Variants in SCRT1 observed in about 807,000 individuals in gnomAD.
The protein encoded by SCRT1 is transcriptional repressor scratch 1.
A neutral mutation model predicts 3.4 loss-of-function variants in SCRT1; 1 was observed. That is an observed-to-expected ratio of 0.29 (90% CI 0.10 to 1.39). The LOEUF (loss-of-function observed/expected upper bound fraction) is 1.39. SCRT1 is among the 40% of genes most tolerant of loss of function. The probability of loss-of-function intolerance (pLI) is 0.42; values close to 1 mark genes in which losing one functional copy is unlikely to be tolerated. For synonymous variants in SCRT1, 238 were observed against 247.0 expected (o/e 0.96, Z 0.34); for missense variants, 380 against 526.3 (o/e 0.72, Z 2.72).
In SCRT1 at chr8:144,335,089, G is replaced by A. The variant is rs1554850180; in HGVS notation, c.115+966C>T. Among the ~76,000 whole-genome samples the A allele has an allele frequency of 6.6e-6, 1 of 152,196 alleles. No homozygotes were observed. Among genetic ancestry groups the A allele is most frequent in the African/African-American group, 2.4e-5 (1 of 41,428 alleles). On this transcript the variant is annotated intron_variant, in intron 1 of 1. Transcript: ENST00000569446. This position sits in a 1 kb window ranked among gnomAD's most constrained non-coding sequence, Gnocchi z 7.7. Reference sequence around the variant, plus strand: ...TCTGCCTCCTTCAGGGCTACACCCAGTCTCCCAGCATGATCAGCCCTTGTG... The same window carrying A: ...TCTGCCTCCTTCAGGGCTACACCCAATCTCCCAGCATGATCAGCCCTTGTG...
In SCRT1 at chr8:144,332,433, G is replaced by C. The variant is rs1817788467; in HGVS notation, c.*752C>G. ...TGGGGGCCCGGGGCAGGGCGGAAGC[G>C]GGGTCTGAGGAGGTCGGATAAGTCC... On this transcript the variant is annotated 3_prime_UTR_variant, in exon 2 of 2. Transcript: ENST00000569446. 6.6e-6 allele frequency: 1 copy of C among 152,260 alleles called. No homozygotes were observed. The highest frequency in any genetic ancestry group is 2.4e-5 in the African/African-American group (1 of 41,326). The allele number at this position is 152,260 out of a possible 1,614,324, so 9.4% of individuals were successfully genotyped here.
chr8:144,332,354 C>G lies in SCRT1; in HGVS notation c.*831G>C, dbSNP rs1554849658. ...GAGGGCAGCGCCCAGGCCTGCCTGCCGGCCCCGGGAATCCGTCCTCCAACA... is the reference window on the plus strand; with the variant it reads ...GAGGGCAGCGCCCAGGCCTGCCTGCGGGCCCCGGGAATCCGTCCTCCAACA... On this transcript the variant is annotated 3_prime_UTR_variant, in exon 2 of 2. Coordinates refer to ENST00000569446, the MANE Select transcript of SCRT1 (RefSeq NM_031309.6). 1 of 140,464 alleles carries G rather than the reference C, an allele frequency of 7.1e-6. No homozygotes were observed. Among genetic ancestry groups the G allele is most frequent in the Non-Finnish European group, 1.5e-5 (1 of 66,280 alleles). The allele number at this position is 140,464 out of a possible 1,614,324, so 8.7% of individuals were successfully genotyped here. A position where few individuals can be genotyped will look rare whatever the true frequency, so the allele number is the denominator to read the frequency against.
At position 144,332,283 on chromosome 8, in the gene SCRT1, A is replaced by G. The variant is rs925081699; in HGVS notation, c.*902T>C. 2.0e-5 allele frequency: 3 copies of G among 150,566 alleles called. No homozygotes were observed. The allele number at this position is 150,566 out of a possible 1,614,324, so 9.3% of individuals were successfully genotyped here. ...GAAAAAGAAACCCGACGCGTCCGCA[A>G]CCCCCCCAGGGGGCTTTACCCGCAA... On this transcript the variant is annotated 3_prime_UTR_variant, in exon 2 of 2. Coordinates refer to ENST00000569446, the MANE Select transcript of SCRT1 (RefSeq NM_031309.6).
rs1490198986 is a variant in SCRT1 at position 144,335,966 on chromosome 8, G to A, written c.115+89C>T. ...CTGGTTCCCTTCAGTCTGTTTCCCCGGGCCCTGCCCTCCGCCCCCACACTC... is the reference window on the plus strand; with the variant it reads ...CTGGTTCCCTTCAGTCTGTTTCCCCAGGCCCTGCCCTCCGCCCCCACACTC... On this transcript the variant is annotated intron_variant, in intron 1 of 1. Coordinates refer to ENST00000569446, the MANE Select transcript of SCRT1 (RefSeq NM_031309.6). The surrounding 1 kb of genome is among the most constrained non-coding windows in gnomAD (Gnocchi z 7.7). 5 of 873,624 alleles carry A rather than the reference G, an allele frequency of 5.7e-6. No homozygotes were observed. In the Admixed American group the frequency reaches 1.3e-4, roughly 23 times the overall value. The allele number at this position is 873,624 out of a possible 1,614,324, so 54.1% of individuals were successfully genotyped here. A position where few individuals can be genotyped will look rare whatever the true frequency, so the allele number is the denominator to read the frequency against.
At position 144,332,719 on chromosome 8, in the gene SCRT1, CGGCCTGCTGCCGG is replaced by C. The variant is rs1554849725; in HGVS notation, c.*453_*465del. The C allele has an allele frequency of 6.5e-6, 1 of 154,170 alleles. No homozygotes were observed. The highest frequency in any genetic ancestry group is 1.4e-5 in the Non-Finnish European group (1 of 69,322). The allele number at this position is 154,170 out of a possible 1,614,324, so 9.6% of individuals were successfully genotyped here. On this transcript the variant is annotated 3_prime_UTR_variant, in exon 2 of 2. Transcript: ENST00000569446. Reference sequence around the variant, plus strand: ...AGGCCCGCCCGCTCCTGCTCCGCCCCGGCCTGCTGCCGGGGAGGGGCCGGCTCCCTGGACGTCT... The same window carrying C: ...AGGCCCGCCCGCTCCTGCTCCGCCCCGGAGGGGCCGGCTCCCTGGACGTCT...
At position 144,333,687 on chromosome 8, in the gene SCRT1, G is replaced by A. The variant is rs1432458414; in HGVS notation, c.545C>T (p.Pro182Leu). ...CCGGCCGCCAGCACCTGCGGCCCCT[G>A]GCCCCGCGCGCGCCTCGGTGCCTGC... is the stretch of plus-strand genomic sequence containing the variant. ...AGAGTEARAGPGAAGAGGRHA... is the reference protein window; with the variant it reads ...AGAGTEARAGLGAAGAGGRHA... The change falls in exon 2 of 2, where the codon CCA (proline) becomes CTA (leucine). Residue 182 changes from proline (P) to leucine (L), a missense_variant. Coordinates refer to ENST00000569446, the MANE Select transcript of SCRT1 (RefSeq NM_031309.6). 4.9e-6 allele frequency: 7 copies of A among 1,428,972 alleles called. No homozygotes were observed. The highest frequency in any genetic ancestry group is 6.4e-6 in the Non-Finnish European group (7 of 1,099,676). 88.5% of individuals were successfully genotyped at this position (1,428,972 alleles called of 1,614,324 possible). A position where few individuals can be genotyped will look rare whatever the true frequency, so the allele number is the denominator to read the frequency against.
chr8:144,334,575 GC>G (rs1554850156), intron 1 of SCRT1, among the ~76,000 whole-genome samples: 1 of 151,130 alleles, frequency 6.6e-6, no homozygotes, highest in Admixed American at 6.6e-5. Flanking sequence ...AGGACTGCCG[GC>G]CCAGGGACCC....
At position 144,334,054 on chromosome 8, in the gene SCRT1, G is replaced by T. The variant is rs1401551919; in HGVS notation, c.178C>A (p.Leu60Ile). 24 of 1,533,812 alleles carry T rather than the reference G, an allele frequency of 1.6e-5. No individual in the cohort carries two copies. The highest frequency in any genetic ancestry group is 2.0e-5 in the Non-Finnish European group (23 of 1,143,640). ...ATGGGCTCCGGCGACGGCCCTTTGA[G>T]CAGCGCAGCCTCGGCGTCGCCATCG... is the stretch of plus-strand genomic sequence containing the variant. ...VYDGDAEAAL[L>I]KGPSPEPMYA... The change falls in exon 2 of 2, where the codon CTC (leucine) becomes ATC (isoleucine). Residue 60 changes from leucine to isoleucine, a missense_variant. Leu to Ile is a conservative substitution (Grantham distance 5). Transcript: ENST00000569446.
At position 144,333,771 on chromosome 8, in the gene SCRT1, C is replaced by A; in HGVS notation, c.461G>T (p.Gly154Val). 1 of 1,192,584 alleles carries A rather than the reference C, an allele frequency of 8.4e-7. No homozygotes were observed. Among genetic ancestry groups the A allele is most frequent in the South Asian group, 4.2e-5 (1 of 24,056 alleles). The allele number at this position is 1,192,584 out of a possible 1,614,324, so 73.9% of individuals were successfully genotyped here. Residue 154 changes from glycine to valine, a missense_variant, in exon 2 of 2, where the codon GGG (glycine) becomes GTG (valine). This residue lies in a region of SCRT1 where 115 missense variants were observed against 107.3 expected (regional missense o/e 1.07). Transcript: ENST00000569446. ...GGATCCCAAGCTGCGCCCGCCCGCCCCGCCCCCGCCTCCGGCGTCGCCGTC... is the reference window on the plus strand; with the variant it reads ...GGATCCCAAGCTGCGCCCGCCCGCCACGCCCCCGCCTCCGGCGTCGCCGTC... ...APDGDAGGGG[G>V]AGGRSLGSGP...
chr8:144,335,162 C>A lies in SCRT1; in HGVS notation c.115+893G>T, dbSNP rs1425518435. Among the ~76,000 whole-genome samples, 2 of 152,238 alleles carry A rather than the reference C, an allele frequency of 1.3e-5. No homozygotes were observed. Among genetic ancestry groups the A allele is most frequent in the Non-Finnish European group, 2.9e-5 (2 of 68,038 alleles). ...CACTGATGTGCCGAACTCACCACCT[C>A]CTCACTCACGCAGGGTCACACATGC... is the stretch of plus-strand genomic sequence containing the variant. On this transcript the variant is annotated intron_variant, in intron 1 of 1. Coordinates refer to ENST00000569446, the MANE Select transcript of SCRT1 (RefSeq NM_031309.6). The surrounding 1 kb of genome is among the most constrained non-coding windows in gnomAD (Gnocchi z 7.7).
rs369086206 is a variant in SCRT1 at position 144,336,098 on chromosome 8, G to A, written c.72C>T (p.Tyr24=). ...CGCCGAGGTCGCTGCGGGCGCGTCC[G>A]TAGGCGCTCTCCAGGTCGGCCGAAG... The part of the protein sequence containing the change: ...AFSSADLESA[Y]GRARSDLGAP... Residue 24 remains tyrosine (Y), a synonymous_variant, in exon 1 of 2, where the codon TAC becomes TAT. Transcript: ENST00000569446. The surrounding 1 kb of genome is among the most constrained non-coding windows in gnomAD (Gnocchi z 6.8). 1.2e-6 allele frequency: 2 copies of A among 1,609,878 alleles called. No homozygotes were observed. The highest frequency in any genetic ancestry group is 2.2e-5 in the East Asian group (1 of 44,664).
Position 144,333,727 on chromosome 8 carries a change from C to A in SCRT1, c.505G>T (p.Gly169Cys). The change falls in exon 2 of 2, where the codon GGC (glycine) becomes TGC (cysteine). Residue 169 changes from glycine (G) to cysteine (C), a missense_variant. Coordinates refer to ENST00000569446, the MANE Select transcript of SCRT1 (RefSeq NM_031309.6). ...TCGGTGCCTGCCCCCGCGCGCGTGC[C>A]GCCCCGGCCCCCCGGCCCGGATCCC... is the stretch of plus-strand genomic sequence containing the variant. ...SLGSGPGGRG[G>C]TRAGAGTEAR... 7 of 1,099,512 alleles carry A rather than the reference C, an allele frequency of 6.4e-6. No homozygotes were observed. The highest frequency in any genetic ancestry group is 7.7e-6 in the Non-Finnish European group (7 of 905,098). 68.1% of individuals were successfully genotyped at this position (1,099,512 alleles called of 1,614,324 possible). A position where few individuals can be genotyped will look rare whatever the true frequency, so the allele number is the denominator to read the frequency against.
At chr8:144,334,665 C>G (rs1166723696) in intron 1 of SCRT1, among the ~76,000 whole-genome samples, 2 of 152,062 alleles carry the variant, frequency 1.3e-5, no homozygotes, top group Non-Finnish European at 2.9e-5. Context: ...GATGTTGACC[C>G]CCTCTGGCCT....
In SCRT1 at chr8:144,336,216, G is replaced by A; in HGVS notation, c.-47C>T. The A allele has an allele frequency of 2.2e-6, 3 of 1,394,838 alleles. No individual in the cohort carries two copies. Among genetic ancestry groups the A allele is most frequent in the Non-Finnish European group, 2.9e-6 (3 of 1,023,986 alleles). The allele number at this position is 1,394,838 out of a possible 1,614,324, so 86.4% of individuals were successfully genotyped here. A position where few individuals can be genotyped will look rare whatever the true frequency, so the allele number is the denominator to read the frequency against. Reference sequence around the variant, plus strand: ...CTGTGGGCCTGCGGAGCCGGGGCTTGGGGGGGCTGCGGCGGCAGGGCCCCG... The same window carrying A: ...CTGTGGGCCTGCGGAGCCGGGGCTTAGGGGGGCTGCGGCGGCAGGGCCCCG... On this transcript the variant is annotated 5_prime_UTR_variant, in exon 1 of 2. Transcript: ENST00000569446. This position sits in a 1 kb window ranked among gnomAD's most constrained non-coding sequence, Gnocchi z 6.8.
chr8:144,333,275 G>A lies in SCRT1; in HGVS notation c.957C>T (p.Leu319=). The change falls in exon 2 of 2, where the codon CTC becomes CTT. Residue 319 remains leucine, a synonymous_variant. Coordinates refer to ENST00000569446, the MANE Select transcript of SCRT1 (RefSeq NM_031309.6). ...CKKSFALKSY[L]NKHYESACFK... is the part of the protein sequence containing the mutation. Reference sequence around the variant, plus strand: ...AGCAGGCCGACTCGTAGTGCTTGTTGAGATAGGACTTGAGCGCGAAGCTCT... The same window carrying A: ...AGCAGGCCGACTCGTAGTGCTTGTTAAGATAGGACTTGAGCGCGAAGCTCT... The A allele has an allele frequency of 6.2e-7, 1 of 1,612,370 alleles. No individual in the cohort carries two copies. The highest frequency in any genetic ancestry group is 8.5e-7 in the Non-Finnish European group (1 of 1,179,656).
At position 144,332,467 on chromosome 8, in the gene SCRT1, C is replaced by T. The variant is rs981086582; in HGVS notation, c.*718G>A. ...GGAGGTCGGATAAGTCCATGCGATT[C>T]GATATGTGTCATTATTATTCGATAT... On this transcript the variant is annotated 3_prime_UTR_variant, in exon 2 of 2. Coordinates refer to ENST00000569446, the MANE Select transcript of SCRT1 (RefSeq NM_031309.6). 6.6e-6 allele frequency: 1 copy of T among 152,248 alleles called. No individual in the cohort carries two copies. Among genetic ancestry groups the T allele is most frequent in the African/African-American group, 2.4e-5 (1 of 41,252 alleles). The allele number at this position is 152,248 out of a possible 1,614,324, so 9.4% of individuals were successfully genotyped here. A position where few individuals can be genotyped will look rare whatever the true frequency, so the allele number is the denominator to read the frequency against.
rs781809202 is a variant in SCRT1, at chr8:144,333,232, C to T, written c.1000G>A (p.Gly334Ser). Residue 334 changes from glycine to serine, a missense_variant, in exon 2 of 2, where the codon GGC becomes AGC. Coordinates refer to ENST00000569446, the MANE Select transcript of SCRT1 (RefSeq NM_031309.6). ...TGTGGCGGCGCAGGAGCCGCGGGGC[C>T]TCCGGCGCCGCCCTTGAAGCAGGCC... is the stretch of plus-strand genomic sequence containing the variant. ...ESACFKGGAG[G>S]PAAPAPPQLS... 3.1e-6 allele frequency: 5 copies of T among 1,596,996 alleles called. No homozygotes were observed. The East Asian group carries it at 6.8e-5, about 22-fold the overall frequency.
In SCRT1 at chr8:144,332,801, A is replaced by C; in HGVS notation, c.*384T>G. On this transcript the variant is annotated 3_prime_UTR_variant, in exon 2 of 2. Coordinates refer to ENST00000569446, the MANE Select transcript of SCRT1 (RefSeq NM_031309.6). Reference sequence around the variant, plus strand: ...TAGAAGGCTTGGGAAGGGGTGGGGAAGACCTGAGTCCCTGCGACGCGATCC... The same window carrying C: ...TAGAAGGCTTGGGAAGGGGTGGGGACGACCTGAGTCCCTGCGACGCGATCC... 5 of 176,210 alleles carry C rather than the reference A, an allele frequency of 2.8e-5. No individual in the cohort carries two copies. Among genetic ancestry groups the C allele is most frequent in the Non-Finnish European group, 4.8e-5 (4 of 83,862 alleles). 10.9% of individuals were successfully genotyped at this position (176,210 alleles called of 1,614,324 possible). A position where few individuals can be genotyped will look rare whatever the true frequency, so the allele number is the denominator to read the frequency against.
At position 144,336,311 on chromosome 8, in the gene SCRT1, G is replaced by GT. The variant is rs1817888665; in HGVS notation, c.-143dup. 1.7e-6 allele frequency: 1 copy of GT among 594,604 alleles called. No individual in the cohort carries two copies. The highest frequency in any genetic ancestry group is 3.2e-5 in the East Asian group (1 of 31,660). The allele number at this position is 594,604 out of a possible 1,614,324, so 36.8% of individuals were successfully genotyped here. On this transcript the variant is annotated 5_prime_UTR_variant, in exon 1 of 2. Transcript: ENST00000569446. This position sits in a 1 kb window ranked among gnomAD's most constrained non-coding sequence, Gnocchi z 6.8. ...GCCTTTGGATGCTGCCGCGCGAGTG[G>GT]TGTCCTCTCTCCTTGCTGCCCTGCG...
Sources: gnomAD v4.1 joint callset for allele counts (sites outside exome capture counted in the v4.1 genomes callset) on GRCh38, gnomAD v4.1.1 for gene constraint, gnomAD v4.1.1 regional missense constraint, Gnocchi (gnomAD v3.1) non-coding constraint, MANE v1.5 for transcripts, NCBI Gene and HGNC (gene_info 2026-07-23, HGNC 2026-07-21) for gene names.